TRPC7: variants seen among roughly 807,000 people sequenced by gnomAD.
TRPC7 encodes the protein transient receptor potential cation channel subfamily C member 7.
Under a neutral mutation model 90.1 loss-of-function variants are expected in TRPC7, and 42 were observed. The ratio of observed to expected loss-of-function variants is 0.47; its 90% CI spans 0.36 to 0.60. The LOEUF is 0.60. TRPC7 is among the 20% of genes least tolerant of loss of function. The pLI is 0.00. For synonymous variants in TRPC7, 451 were observed against 436.3 expected (o/e 1.03, Z -0.42); for missense variants, 955 against 1,112.3 (o/e 0.86, Z 2.01).
At chr5:136,266,463 GT>G in intron 4 of TRPC7, 27 bp from the exon 5 acceptor site, 2 of 1,587,748 alleles carry the variant, frequency 1.3e-6, no homozygotes, top group East Asian at 4.5e-5. Context: ...TTCAAGACAT[GT>G]TAAACTGTCT....
At chr5:136,220,992 C>G (rs1040390366) in intron 10 of TRPC7, among the ~76,000 whole-genome samples, 1 of 150,042 alleles carries the variant, frequency 6.7e-6, no homozygotes, top group African/African-American at 2.4e-5. Context: ...ATATCTATTT[C>G]TATTCTAGAA....
intron 3 of TRPC7, among the ~76,000 whole-genome samples, chr5:136,312,359 A>T (rs1758859522): frequency 6.6e-6 from 1 of 152,236 alleles, no homozygotes; most frequent in African/African-American, 2.4e-5. Context: ...GGGAATTAGA[A>T]GAACCCTAGA....
chr5:136,311,837 T>G (rs1235939593), intron 3 of TRPC7, among the ~76,000 whole-genome samples: 1 of 152,204 alleles, frequency 6.6e-6, no homozygotes, highest in African/African-American at 2.4e-5. Context: ...TGGGATGCAC[T>G]GAGGTGGGTA....
chr5:136,228,533 G>A (rs769857295), intron 8 of TRPC7, among the ~76,000 whole-genome samples: 11 of 150,994 alleles, frequency 7.3e-5, no homozygotes, highest in Non-Finnish European at 1.6e-4. Flanking sequence ...GCAGGGTGCC[G>A]TGCAGTGGCG....
intron 8 of TRPC7, chr5:136,226,491 T>C: frequency 1.8e-6 from 1 of 542,366 alleles, no homozygotes. Flanking sequence ...CTCGACCAGT[T>C]CATATTAACC....
rs545367004 is a variant in TRPC7, at chr5:136,215,229, G to T, written c.2419+971C>A. 3.9e-5 allele frequency among the ~76,000 whole-genome samples: 6 copies of T among 152,246 alleles called. No individual in the cohort carries two copies. In the South Asian group the frequency reaches 1.2e-3, roughly 32 times the overall value. On this transcript the variant is annotated intron_variant, in intron 11 of 11. Coordinates refer to ENST00000513104, the MANE Select transcript of TRPC7 (RefSeq NM_020389.3). Reference sequence around the variant, plus strand: ...CAGACCCTAAACGCAGTGTGCATCTGCTCAGTGGATGTGCACCATGGAATG... The same window carrying T: ...CAGACCCTAAACGCAGTGTGCATCTTCTCAGTGGATGTGCACCATGGAATG...
chr5:136,307,959 G>T (rs1758700892), intron 3 of TRPC7, among the ~76,000 whole-genome samples: 1 of 152,146 alleles, frequency 6.6e-6, no homozygotes, highest in Admixed American at 6.5e-5. Flanking sequence ...TTTTATGGAT[G>T]AGAAAATCAA....
chr5:136,331,180 G>C (rs1202787959), intron 2 of TRPC7, among the ~76,000 whole-genome samples: 3 of 152,140 alleles, frequency 2.0e-5, no homozygotes, highest in Admixed American at 1.3e-4. Flanking sequence ...CCCTGTTGGA[G>C]CTGAAGCACA....
In TRPC7 at chr5:136,213,577, A is replaced by G; in HGVS notation, c.2447T>C (p.Ile816Thr). ...EGELKEIKQDISSLRYELLEE... is the reference protein window; with the variant it reads ...EGELKEIKQDTSSLRYELLEE... ...AAGAAGCTCATAGCGCAGGCTGGAGATATCTTGCTTGATTTCCTTCAGCTC... is the reference window on the plus strand; with the variant it reads ...AAGAAGCTCATAGCGCAGGCTGGAGGTATCTTGCTTGATTTCCTTCAGCTC... The change falls in exon 12 of 12, where the codon ATC becomes ACC. Residue 816 changes from isoleucine (I) to threonine (T), a missense_variant. Coordinates refer to ENST00000513104, the MANE Select transcript of TRPC7 (RefSeq NM_020389.3). 1 of 1,613,974 alleles carries G rather than the reference A, an allele frequency of 6.2e-7. No individual in the cohort carries two copies. Among genetic ancestry groups the G allele is most frequent in the Non-Finnish European group, 8.5e-7 (1 of 1,179,880 alleles).
At position 136,226,270 on chromosome 5, in the gene TRPC7, AAAC is replaced by A. The variant is rs756658492; in HGVS notation, c.2041-18_2041-16del. 19 of 1,543,872 alleles carry A rather than the reference AAAC, an allele frequency of 1.2e-5. No individual in the cohort carries two copies. Among genetic ancestry groups the A allele is most frequent in the Non-Finnish European group, 1.6e-5 (18 of 1,140,152 alleles). On this transcript the variant is annotated splice_polypyrimidine_tract_variant and intron_variant, in intron 8 of 11. Coordinates refer to ENST00000513104, the MANE Select transcript of TRPC7 (RefSeq NM_020389.3). ...TCTGCATCCTCCTGTGGAACAAGGG[AAAC>A]AACAACACACCCTCAAAGGCCACGA...
intron 3 of TRPC7, among the ~76,000 whole-genome samples, chr5:136,281,561 G>T (rs2149818788): frequency 6.6e-6 from 1 of 152,286 alleles, no homozygotes; most frequent in East Asian, 1.9e-4. Flanking sequence ...AGTTGGTTCT[G>T]CAACTCTGCA....
At chr5:136,236,969 G>C (rs1475125821) in intron 7 of TRPC7, among the ~76,000 whole-genome samples, 1 of 152,176 alleles carries the variant, frequency 6.6e-6, no homozygotes, top group Non-Finnish European at 1.5e-5. Flanking sequence ...ACAATAGCTG[G>C]CACTCTGCTA....
rs1249006821 is a variant in TRPC7, at chr5:136,301,299, T to C, written c.963+14298A>G. ...GCCTTGGCCTCCCAAAGTGCTGGGA[T>C]TATAAGCTTGAGCCACTGCACCCAG... On this transcript the variant is annotated intron_variant, in intron 3 of 11. Coordinates refer to ENST00000513104, the MANE Select transcript of TRPC7 (RefSeq NM_020389.3). Among the ~76,000 whole-genome samples the C allele has an allele frequency of 4.0e-5, 6 of 151,490 alleles. No individual in the cohort carries two copies. In the East Asian group the frequency reaches 1.2e-3, roughly 29 times the overall value.
chr5:136,242,026 G>T (rs1472326008), intron 7 of TRPC7, among the ~76,000 whole-genome samples: 4 of 152,184 alleles, frequency 2.6e-5, no homozygotes, highest in African/African-American at 7.2e-5. Context: ...AGCAAAGTTG[G>T]CTATAAAACG....
At chr5:136,261,635 C>G (rs1483338678) in intron 5 of TRPC7, among the ~76,000 whole-genome samples, 1 of 152,224 alleles carries the variant, frequency 6.6e-6, no homozygotes. Context: ...GGCCAGCACT[C>G]TCTTGGTTCT....
At chr5:136,269,268 G>A (rs189443440) in intron 4 of TRPC7, among the ~76,000 whole-genome samples, 51 of 152,290 alleles carry the variant, frequency 3.3e-4, no homozygotes, top group Admixed American at 2.4e-3. Flanking sequence ...TGGCTCACCC[G>A]AAGCTTCCTG....
At chr5:136,217,326 A>G (rs1293982706) in intron 10 of TRPC7, among the ~76,000 whole-genome samples, 1 of 152,234 alleles carries the variant, frequency 6.6e-6, no homozygotes, top group Non-Finnish European at 1.5e-5. Flanking sequence ...GCAAATAAAA[A>G]GTAAGTGAAC....
chr5:136,280,179 C>CAAACA lies in TRPC7; in HGVS notation c.964-5343_964-5342insTGTTT, dbSNP rs572392636. On this transcript the variant is annotated intron_variant, in intron 3 of 11. Coordinates refer to ENST00000513104, the MANE Select transcript of TRPC7 (RefSeq NM_020389.3). ...TGTCAAAAACAAACAAACAAACAAA[C>CAAACA]AAAAAACACCCAACTTCCTGTCTAC... 1.4e-3 allele frequency among the ~76,000 whole-genome samples: 210 copies of CAAACA among 152,104 alleles called. 1 individual carries two copies. The highest frequency in any genetic ancestry group is 4.9e-3 in the African/African-American group (205 of 41,484).
intron 5 of TRPC7, among the ~76,000 whole-genome samples, chr5:136,256,535 T>C (rs1756692010): frequency 7.1e-6 from 1 of 141,322 alleles, no homozygotes. Flanking sequence ...CTGTGTCATA[T>C]CCTTACCCAG....
Sources: allele counts gnomAD v4.1 joint callset (sites outside exome capture counted in the v4.1 genomes callset), GRCh38; gene constraint gnomAD v4.1.1; transcripts MANE v1.5; gene names NCBI Gene and HGNC (gene_info 2026-07-23, HGNC 2026-07-21).